Variants in RASEF observed in about 807,000 individuals in gnomAD.
RASEF encodes the protein ras and EF-hand domain-containing protein.
Under a neutral mutation model 90.1 loss-of-function variants are expected in RASEF, and 68 were observed. That is an observed-to-expected ratio of 0.75 (90% CI 0.62 to 0.92). RASEF has a LOEUF of 0.92. Ranked by LOEUF, RASEF falls within the 40% of genes least tolerant of loss-of-function variation. RASEF has a pLI of 0.00. For synonymous variants in RASEF, 331 were observed against 345.2 expected (o/e 0.96, Z 0.46); for missense variants, 949 against 937.2 (o/e 1.01, Z -0.16).
chr9:83,195,453 T>C, the RASEF span, among the ~76,000 whole-genome samples: 2 of 152,160 alleles, frequency 1.3e-5, no homozygotes, highest in Admixed American at 1.3e-4. Flanking sequence ...GGAGGCCCAC[T>C]GTGGCCATGC....
the RASEF span, among the ~76,000 whole-genome samples, chr9:83,103,870 G>T: frequency 5.3e-5 from 8 of 152,092 alleles, no homozygotes; most frequent in African/African-American, 1.9e-4. Flanking sequence ...TTAAGCAATA[G>T]AATTCCTAAT....
At chr9:83,108,324 A>G in the RASEF span, among the ~76,000 whole-genome samples, 1 of 152,198 alleles carries the variant, frequency 6.6e-6, no homozygotes, top group Non-Finnish European at 1.5e-5. Context: ...TACTTACTTG[A>G]GCACTTAAGC....
At chr9:83,183,587 TA>T in the RASEF span, among the ~76,000 whole-genome samples, 2 of 152,200 alleles carry the variant, frequency 1.3e-5, no homozygotes, top group African/African-American at 4.8e-5. Context: ...TGACTTCCAT[TA>T]AATCATTATT....
At chr9:83,042,427 C>T (rs1829859280) in intron 1 of RASEF, among the ~76,000 whole-genome samples, 1 of 152,108 alleles carries the variant, frequency 6.6e-6, no homozygotes, top group African/African-American at 2.4e-5. Context: ...CCAGTGGATT[C>T]ATTCAGCATG....
intron 1 of RASEF, among the ~76,000 whole-genome samples, chr9:83,030,796 G>C (rs962230035): frequency 6.6e-6 from 1 of 152,118 alleles, no homozygotes; most frequent in Admixed American, 6.6e-5. Flanking sequence ...CCACCTCTAG[G>C]CTTGACCTCT....
At chr9:83,129,859 C>T in the RASEF span, among the ~76,000 whole-genome samples, 10 of 152,180 alleles carry the variant, frequency 6.6e-5, no homozygotes, top group Non-Finnish European at 1.3e-4. Context: ...CAACAAAACA[C>T]GTTGACTTAA....
the RASEF span, among the ~76,000 whole-genome samples, chr9:83,129,342 G>A: frequency 2.6e-5 from 4 of 151,090 alleles, no homozygotes; most frequent in Non-Finnish European, 4.4e-5. Flanking sequence ...GGGAGGCGGA[G>A]CTTGCAGTGA....
At chr9:82,983,638 C>G (rs1010616728) in intron 16 of RASEF, among the ~76,000 whole-genome samples, 1 of 152,318 alleles carries the variant, frequency 6.6e-6, no homozygotes. Context: ...GGTTTGATCC[C>G]CTACCCTCTT....
rs535389662 is a variant in RASEF, at chr9:83,006,106, A to G, written c.1029-606T>C. Reference sequence around the variant, plus strand: ...GCTATGATTCCACAGCTCCTACACCACAGAGTGGCTAACCTTCCCCAGCTT... The same window carrying G: ...GCTATGATTCCACAGCTCCTACACCGCAGAGTGGCTAACCTTCCCCAGCTT... On this transcript the variant is annotated intron_variant, in intron 7 of 16. Coordinates refer to ENST00000376447, the MANE Select transcript of RASEF (RefSeq NM_152573.4). 5.9e-5 allele frequency among the ~76,000 whole-genome samples: 9 copies of G among 152,268 alleles called. No homozygotes were observed. In the East Asian group the frequency reaches 1.5e-3, roughly 26 times the overall value.
chr9:83,151,420 C>A, the RASEF span, among the ~76,000 whole-genome samples: 1 of 152,098 alleles, frequency 6.6e-6, no homozygotes, highest in African/African-American at 2.4e-5. Flanking sequence ...TAGCCCCCAG[C>A]TTTCTAGATG....
At chr9:83,042,048 T>C (rs1014916965) in intron 1 of RASEF, among the ~76,000 whole-genome samples, 2 of 152,210 alleles carry the variant, frequency 1.3e-5, no homozygotes, top group African/African-American at 4.8e-5. Context: ...GCTGTATATT[T>C]ACATTTATCT....
At position 82,996,593 on chromosome 9, in the gene RASEF, C is replaced by T. The variant is rs536341899; in HGVS notation, c.1920+419G>A. 1.8e-4 allele frequency among the ~76,000 whole-genome samples: 27 copies of T among 152,264 alleles called. No individual in the cohort carries two copies. The East Asian group carries it at 4.1e-3, about 23-fold the overall frequency. On this transcript the variant is annotated intron_variant, in intron 14 of 16. Coordinates refer to ENST00000376447, the MANE Select transcript of RASEF (RefSeq NM_152573.4). Reference sequence around the variant, plus strand: ...AGCTCCCATACAATTTGAAACTTGACGCACGCTCATATCCAGGTGGTGTTT... The same window carrying T: ...AGCTCCCATACAATTTGAAACTTGATGCACGCTCATATCCAGGTGGTGTTT...
intron 16 of RASEF, among the ~76,000 whole-genome samples, 156 bp from the exon 17 acceptor site, chr9:82,982,938 G>C (rs1828640841): frequency 6.6e-6 from 1 of 151,964 alleles, no homozygotes; most frequent in South Asian, 2.1e-4. Context: ...ATGCTTTATA[G>C]GTCTTGACTT....
Position 83,037,744 on chromosome 9 carries a change from A to ATTT in RASEF, c.432-11826_432-11824dup, listed in dbSNP as rs35483330. The stretch of plus-strand genomic sequence containing the variant: ...CTTAGCAAATCATTGTAAATGTCCT[A>ATTT]TTTTTTTTTTTTTTTTTTGTAAACT... On this transcript the variant is annotated intron_variant, in intron 1 of 16. Coordinates refer to ENST00000376447, the MANE Select transcript of RASEF (RefSeq NM_152573.4). Among the ~76,000 whole-genome samples, 1,104 of 131,820 alleles carry ATTT rather than the reference A, an allele frequency of 8.4e-3. 16 individuals carry two copies. The highest frequency in any genetic ancestry group is 0.027 in the Middle Eastern group (6 of 226). 86.5% of individuals were successfully genotyped at this position (131,820 alleles called of 152,430 possible).
chr9:83,066,918 C>T (rs1045429789), upstream of RASEF, among the ~76,000 whole-genome samples: 2 of 152,156 alleles, frequency 1.3e-5, no homozygotes, highest in African/African-American at 4.8e-5. Flanking sequence ...ACTTAGTGCT[C>T]TCAAAACATA....
intron 16 of RASEF, among the ~76,000 whole-genome samples, 161 bp downstream of exon 16, chr9:82,990,230 G>A (rs1828787648): frequency 1.3e-5 from 2 of 152,130 alleles, no homozygotes; most frequent in Non-Finnish European, 2.9e-5. Flanking sequence ...TGACAGCAAC[G>A]TTGCCAGTTT....
chr9:83,122,030 G>A, the RASEF span, among the ~76,000 whole-genome samples: 1 of 152,192 alleles, frequency 6.6e-6, no homozygotes, highest in Non-Finnish European at 1.5e-5. Context: ...TTTAGGAAGT[G>A]CCATGTACAT....
chr9:83,185,392 G>T, the RASEF span, among the ~76,000 whole-genome samples: 2 of 148,514 alleles, frequency 1.3e-5, no homozygotes, highest in African/African-American at 5.0e-5. Context: ...ACCCTACGGT[G>T]CTCAGGCTGG....
chr9:83,020,166 C>T (rs1287086710), intron 3 of RASEF, among the ~76,000 whole-genome samples: 1 of 152,002 alleles, frequency 6.6e-6, no homozygotes, highest in East Asian at 1.9e-4. Context: ...CCATAGGAGT[C>T]AAGGACAGGA....
Sources: gnomAD v4.1 joint callset for allele counts (sites outside exome capture counted in the v4.1 genomes callset) on GRCh38, gnomAD v4.1.1 for gene constraint, MANE v1.5 for transcripts, NCBI Gene and HGNC (gene_info 2026-07-23, HGNC 2026-07-21) for gene names.